RSPO1: variants seen among roughly 807,000 people sequenced by gnomAD.
RSPO1 encodes the protein R-spondin-1.
RSPO1 carries 18 observed loss-of-function variants against 26.0 expected under a neutral mutation model. That is an observed-to-expected ratio of 0.69 (90% CI 0.48 to 1.03). The LOEUF is 1.03. Ranked by LOEUF, RSPO1 falls within the 50% of genes least tolerant of loss-of-function variation. The pLI, the probability that RSPO1 is intolerant of heterozygous loss-of-function variation, is 0.00. For synonymous variants in RSPO1, 133 were observed against 137.4 expected, an observed-to-expected ratio of 0.97 and a Z score of 0.22; for missense variants, 309 against 352.3, an observed-to-expected ratio of 0.88 and a Z score of 0.98.
chr1:37,620,647 T>C (rs1291597640), intron 3 of RSPO1, among the ~76,000 whole-genome samples: 4 of 149,586 alleles, frequency 2.7e-5, no homozygotes, highest in African/African-American at 9.8e-5. Context: ...ATAATAATAA[T>C]AATAATAATA....
At chr1:37,629,427 G>C in intron 3 of RSPO1, 141 bp downstream of exon 3, 1 of 705,506 alleles carries the variant, frequency 1.4e-6, no homozygotes, top group Non-Finnish European at 2.5e-6. Context: ...ATCATCTACT[G>C]AGTGATCTAC....
intron 3 of RSPO1, among the ~76,000 whole-genome samples, chr1:37,629,207 T>C (rs995808396): frequency 6.6e-6 from 1 of 152,184 alleles, no homozygotes; most frequent in East Asian, 1.9e-4. Context: ...GGCAGGGGGA[T>C]TGGGGAAGCA....
At position 37,614,263 on chromosome 1, in the gene RSPO1, G is replaced by A. The variant is rs1267806885; in HGVS notation, c.357C>T (p.Tyr119=). The change falls in exon 5 of 7, where the codon TAC becomes TAT. Residue 119 remains tyrosine, a synonymous_variant. Transcript: ENST00000356545. Reference sequence around the variant, plus strand: ...CTGGATAGCAGCGGCCCTTGTGCAGGTACAAGCCCTCCTTACACTTGGTGC... The same window carrying A: ...CTGGATAGCAGCGGCCCTTGTGCAGATACAAGCCCTCCTTACACTTGGTGC... The part of the protein sequence containing the change: ...NFCTKCKEGL[Y]LHKGRCYPAC... 4 of 1,613,750 alleles carry A rather than the reference G, an allele frequency of 2.5e-6. No homozygotes were observed. The highest frequency in any genetic ancestry group is 3.4e-6 in the Non-Finnish European group (4 of 1,180,044).
At chr1:37,625,373 A>G (rs151219636) in intron 3 of RSPO1, among the ~76,000 whole-genome samples, 5 of 152,200 alleles carry the variant, frequency 3.3e-5, no homozygotes, top group African/African-American at 1.2e-4. Flanking sequence ...TGGATGAGGG[A>G]CTCAGGTGGG....
chr1:37,628,912 A>T (rs979093996), intron 3 of RSPO1, among the ~76,000 whole-genome samples: 1 of 152,214 alleles, frequency 6.6e-6, no homozygotes, highest in Admixed American at 6.5e-5. Flanking sequence ...TCTTATGTGG[A>T]TGCTCATTAC....
Position 37,618,553 on chromosome 1 carries a change from G to A in RSPO1, c.95-1878C>T, listed in dbSNP as rs969008950. ...AGATGGAAGAACTGTTTGGGAGGAA[G>A]CTGACTAGATCATCCAGGTGAGAAA... On this transcript the variant is annotated intron_variant, in intron 3 of 6. Coordinates refer to ENST00000356545, the MANE Select transcript of RSPO1 (RefSeq NM_001242908.2). Among the ~76,000 whole-genome samples the A allele has an allele frequency of 3.9e-5, 6 of 152,216 alleles. 1 individual carries two copies. The highest frequency in any genetic ancestry group is 3.9e-4 in the Admixed American group (6 of 15,270).
At chr1:37,628,970 C>A (rs974050173) in intron 3 of RSPO1, among the ~76,000 whole-genome samples, 4 of 152,192 alleles carry the variant, frequency 2.6e-5, no homozygotes, top group African/African-American at 7.2e-5. Context: ...CGTGGTCGGG[C>A]CAGACCCCTG....
At chr1:37,621,353 A>C (rs994955713) in intron 3 of RSPO1, among the ~76,000 whole-genome samples, 2 of 152,206 alleles carry the variant, frequency 1.3e-5, no homozygotes, top group Non-Finnish European at 2.9e-5. Context: ...ATCACTCCGT[A>C]GAGTGGTGAA....
rs1644058505 is a variant in RSPO1, at chr1:37,613,541, C to T, written c.625+163G>A. 1.3e-5 allele frequency among the ~76,000 whole-genome samples: 2 copies of T among 152,252 alleles called. No individual in the cohort carries two copies. The highest frequency in any genetic ancestry group is 2.9e-5 in the Non-Finnish European group (2 of 68,046). On this transcript the variant is annotated intron_variant, in intron 6 of 6. Transcript: ENST00000356545. This position sits in a 1 kb window ranked among gnomAD's most constrained non-coding sequence, Gnocchi z 4.5. ...TCTGAGGCCCTGTTCTCTGCCAGGA[C>T]ATGGCATCTGGATTGGACAGCATGA...
intron 2 of RSPO1, among the ~76,000 whole-genome samples, chr1:37,630,688 A>G (rs1471112939): frequency 6.6e-6 from 1 of 152,196 alleles, no homozygotes; most frequent in East Asian, 1.9e-4. Context: ...CCCTCCCCTG[A>G]TCAGATGTGT....
rs1644054583 is a variant in RSPO1, at chr1:37,613,296, C to T, written c.626-375G>A. 6.6e-6 allele frequency among the ~76,000 whole-genome samples: 1 copy of T among 152,242 alleles called. No homozygotes were observed. Among genetic ancestry groups the T allele is most frequent in the Non-Finnish European group, 1.5e-5 (1 of 68,040 alleles). On this transcript the variant is annotated intron_variant, in intron 6 of 6. Coordinates refer to ENST00000356545, the MANE Select transcript of RSPO1 (RefSeq NM_001242908.2). The surrounding 1 kb of genome is among the most constrained non-coding windows in gnomAD (Gnocchi z 4.5). ...CCCCCATCCCCTATCCGCCACCAGC[C>T]ACCTCTGGGGCCAGGCAAGAGCAGC...
chr1:37,612,429 C>A lies in RSPO1; in HGVS notation c.*326G>T. The A allele has an allele frequency of 2.5e-6, 1 of 396,226 alleles. No individual in the cohort carries two copies. Among genetic ancestry groups the A allele is most frequent in the Non-Finnish European group, 4.7e-6 (1 of 213,818 alleles). The allele number at this position is 396,226 out of a possible 1,614,324, so 24.5% of individuals were successfully genotyped here. ...TGGGAAGTGTTGTCTCTGACATGTC[C>A]ACTGGGAGCTCTGGAAACCAAGTGT... On this transcript the variant is annotated 3_prime_UTR_variant, in exon 7 of 7. Coordinates refer to ENST00000356545, the MANE Select transcript of RSPO1 (RefSeq NM_001242908.2).
intron 3 of RSPO1, among the ~76,000 whole-genome samples, chr1:37,628,251 TG>T (rs1644307685): frequency 6.6e-6 from 1 of 152,244 alleles, no homozygotes; most frequent in Non-Finnish European, 1.5e-5. Flanking sequence ...AAACCGCATC[TG>T]GCCCATGGAG....
rs1557440159 is a variant in RSPO1 at position 37,629,821 on chromosome 1, G to A, written c.-160C>T. 11 of 1,550,966 alleles carry A rather than the reference G, an allele frequency of 7.1e-6. No individual in the cohort carries two copies. The highest frequency in any genetic ancestry group is 6.1e-6 in the Non-Finnish European group (7 of 1,146,706). On this transcript the variant is annotated 5_prime_UTR_variant, in exon 3 of 7. Coordinates refer to ENST00000356545, the MANE Select transcript of RSPO1 (RefSeq NM_001242908.2). ...CATAATCTCAGCTGGGGACAGAGAG[G>A]GTGTGGGGAGCCCAGTTCTCCATCA...
At chr1:37,627,045 C>T (rs1218015825) in intron 3 of RSPO1, among the ~76,000 whole-genome samples, 2 of 152,136 alleles carry the variant, frequency 1.3e-5, no homozygotes, top group African/African-American at 2.4e-5. Context: ...TGCAGGCAGA[C>T]CATCACTCAG....
chr1:37,619,359 C>T (rs1644165197), intron 3 of RSPO1, among the ~76,000 whole-genome samples: 1 of 152,212 alleles, frequency 6.6e-6, no homozygotes, highest in Non-Finnish European at 1.5e-5. Flanking sequence ...GCTCAGGCTT[C>T]AGAGTCATCA....
In RSPO1 at chr1:37,611,373, T is replaced by A. The variant is rs568857177; in HGVS notation, c.*1382A>T. The A allele has an allele frequency of 2.0e-5, 3 of 152,346 alleles. No homozygotes were observed. The highest frequency in any genetic ancestry group is 7.2e-5 in the African/African-American group (3 of 41,574). 9.4% of individuals were successfully genotyped at this position (152,346 alleles called of 1,614,324 possible). A position where few individuals can be genotyped will look rare whatever the true frequency, so the allele number is the denominator to read the frequency against. ...TCCCTGAGAGAAAGTATTTTATTTT[T>A]ATTCTGCTTTATTCACTTTCATAGC... On this transcript the variant is annotated 3_prime_UTR_variant, in exon 7 of 7. Coordinates refer to ENST00000356545, the MANE Select transcript of RSPO1 (RefSeq NM_001242908.2).
intron 3 of RSPO1, among the ~76,000 whole-genome samples, chr1:37,628,587 G>A (rs963767825): frequency 6.6e-6 from 1 of 152,226 alleles, no homozygotes; most frequent in Non-Finnish European, 1.5e-5. Flanking sequence ...TGAGGACTTG[G>A]GACTCTGGAG....
At chr1:37,627,150 C>T (rs1013288029) in intron 3 of RSPO1, among the ~76,000 whole-genome samples, 14 of 152,028 alleles carry the variant, frequency 9.2e-5, no homozygotes, top group Non-Finnish European at 1.9e-4. Flanking sequence ...ACCCTGCAGC[C>T]GAGGACTGTC....
Sources: gnomAD v4.1 joint callset for allele counts (sites outside exome capture counted in the v4.1 genomes callset) on GRCh38, gnomAD v4.1.1 for gene constraint, Gnocchi (gnomAD v3.1) non-coding constraint, MANE v1.5 for transcripts, NCBI Gene and HGNC (gene_info 2026-07-23, HGNC 2026-07-21) for gene names.